AP4E1: variants seen among roughly 807,000 people sequenced by gnomAD.
AP4E1 encodes the protein adaptor related protein complex 4 subunit epsilon 1.
A neutral mutation model predicts 128.2 loss-of-function variants in AP4E1; 56 were observed. The ratio of observed to expected loss-of-function variants is 0.44; its 90% CI spans 0.35 to 0.55. The LOEUF (loss-of-function observed/expected upper bound fraction) is 0.55, where lower values mean the gene tolerates loss of function less well. Among genes scored for constraint, AP4E1 ranks in the 20% least tolerant of loss-of-function variants. AP4E1 has a pLI of 0.00. For missense variants in AP4E1, 1,324 were observed against 1,307.7 expected, an observed-to-expected ratio of 1.01 and a Z score of -0.19; for synonymous variants, 484 against 473.1, an observed-to-expected ratio of 1.02 and a Z score of -0.30.
intron 8 of AP4E1, among the ~76,000 whole-genome samples, chr15:50,938,036 T>C (rs529584301): frequency 6.6e-6 from 1 of 152,260 alleles, no homozygotes; most frequent in East Asian, 1.9e-4. Context: ...GAAGTACTTT[T>C]CCGTTTTTTT....
Position 50,999,083 on chromosome 15 carries a change from A to G in AP4E1, c.2916A>G (p.Gln972=). Residue 972 remains glutamine (Q), a synonymous_variant, in exon 19 of 21, where the codon CAA becomes CAG. Transcript: ENST00000261842. ...FPAENFKVTE[Q]PGCCLPVMEA... is the part of the protein sequence containing the mutation. ...ACTTCTATTTGCAGGTGACTGAGCAACCTGGATGCTGTTTGCCTGTAATGG... is the reference window on the plus strand; with the variant it reads ...ACTTCTATTTGCAGGTGACTGAGCAGCCTGGATGCTGTTTGCCTGTAATGG... The G allele has an allele frequency of 6.2e-7, 1 of 1,614,014 alleles. No individual in the cohort carries two copies. Among genetic ancestry groups the G allele is most frequent in the Non-Finnish European group, 8.5e-7 (1 of 1,179,942 alleles).
chr15:50,911,939 A>T, intron 1 of AP4E1, 139 bp from the exon 2 acceptor site: 1 of 728,878 alleles, frequency 1.4e-6, no homozygotes, highest in Admixed American at 2.2e-5. Flanking sequence ...TCGTAAGCAG[A>T]TAGTATTTGT....
intron 3 of AP4E1, among the ~76,000 whole-genome samples, chr15:50,919,358 C>G (rs2063666251): frequency 6.6e-6 from 1 of 151,498 alleles, no homozygotes; most frequent in Non-Finnish European, 1.5e-5. Flanking sequence ...CATGGAGAAA[C>G]CCTGTCTCTA....
chr15:50,989,476 C>G (rs1383758005), intron 16 of AP4E1, among the ~76,000 whole-genome samples: 1 of 150,878 alleles, frequency 6.6e-6, no homozygotes. Flanking sequence ...AGTTCAAATT[C>G]TTTTTCTTAT....
intron 10 of AP4E1, among the ~76,000 whole-genome samples, 181 bp from the exon 11 acceptor site, chr15:50,947,839 G>A (rs923851970): frequency 2.6e-5 from 4 of 152,236 alleles, no homozygotes; most frequent in African/African-American, 7.2e-5. Flanking sequence ...ATTTTTTGAC[G>A]ATAGTTTTAC....
intron 5 of AP4E1, among the ~76,000 whole-genome samples, chr15:50,927,007 T>TA (rs2063777491): frequency 1.3e-5 from 2 of 152,262 alleles, no homozygotes; most frequent in Non-Finnish European, 2.9e-5. Context: ...TTGTATATCA[T>TA]ATCTGTGTTT....
At chr15:50,918,312 A>G (rs1216939936) in intron 3 of AP4E1, among the ~76,000 whole-genome samples, 1 of 152,184 alleles carries the variant, frequency 6.6e-6, no homozygotes, top group African/African-American at 2.4e-5. Context: ...TTGCATGGGT[A>G]GAATTTAGTA....
chr15:50,978,302 T>C (rs969534030), intron 15 of AP4E1, among the ~76,000 whole-genome samples: 3 of 152,146 alleles, frequency 2.0e-5, no homozygotes, highest in Non-Finnish European at 4.4e-5. Flanking sequence ...GGGGAAACAG[T>C]ATTTACTAAA....
At chr15:51,001,759 C>G (rs143091767) in intron 20 of AP4E1, among the ~76,000 whole-genome samples, 7 of 152,302 alleles carry the variant, frequency 4.6e-5, no homozygotes, top group African/African-American at 1.7e-4. Context: ...CACTTTTTGG[C>G]TATGGTGAGT....
chr15:50,920,176 C>T (rs1318492908), intron 3 of AP4E1, among the ~76,000 whole-genome samples: 2 of 129,814 alleles, frequency 1.5e-5, no homozygotes, highest in Non-Finnish European at 3.1e-5. Flanking sequence ...TGCAGTGGCG[C>T]TATCTCGGCT....
intron 3 of AP4E1, chr15:50,918,196 A>G (rs2063652743): frequency 6.6e-6 from 1 of 152,242 alleles, no homozygotes; most frequent in Non-Finnish European, 1.5e-5. Context: ...ACAAATGACC[A>G]TGGGAACCTT....
At chr15:50,972,321 C>T (rs1035648443) in intron 15 of AP4E1, among the ~76,000 whole-genome samples, 11 of 152,104 alleles carry the variant, frequency 7.2e-5, no homozygotes, top group African/African-American at 2.7e-4. Flanking sequence ...AAGCAATTCT[C>T]CCATCTCAGC....
intron 15 of AP4E1, among the ~76,000 whole-genome samples, chr15:50,971,539 A>G (rs1335107196): frequency 6.6e-6 from 1 of 151,896 alleles, no homozygotes; most frequent in Non-Finnish European, 1.5e-5. Flanking sequence ...TTTTCTTCAT[A>G]TCTTCCCTTC....
At chr15:50,966,910 G>A (rs896600270) in intron 14 of AP4E1, among the ~76,000 whole-genome samples, 5 of 152,124 alleles carry the variant, frequency 3.3e-5, no homozygotes, top group Non-Finnish European at 7.3e-5. Flanking sequence ...ATAATTATTT[G>A]CTATTCTAAA....
intron 8 of AP4E1, among the ~76,000 whole-genome samples, chr15:50,939,400 G>T (rs544603009): frequency 9.2e-5 from 14 of 151,990 alleles, no homozygotes; most frequent in South Asian, 6.2e-4. Flanking sequence ...TTGAACCTGG[G>T]GGGTGGAGGT....
intron 16 of AP4E1, 115 bp downstream of exon 16, chr15:50,984,260 G>T: frequency 7.6e-7 from 1 of 1,321,726 alleles, no homozygotes. Context: ...GCTTATTTTA[G>T]GATAACTTTC....
chr15:50,964,839 C>T (rs529824849), intron 14 of AP4E1, among the ~76,000 whole-genome samples: 1 of 151,876 alleles, frequency 6.6e-6, no homozygotes, highest in Non-Finnish European at 1.5e-5. Flanking sequence ...GAGGTAGGGC[C>T]TGGTGGGAGT....
At chr15:50,983,430 G>C (rs1220170670) in intron 15 of AP4E1, among the ~76,000 whole-genome samples, 1 of 152,184 alleles carries the variant, frequency 6.6e-6, no homozygotes, top group Admixed American at 6.5e-5. Flanking sequence ...TCATGATCTA[G>C]ATAAGAATTG....
At chr15:50,919,960 C>T (rs907198259) in intron 3 of AP4E1, among the ~76,000 whole-genome samples, 1 of 151,364 alleles carries the variant, frequency 6.6e-6, no homozygotes, top group Non-Finnish European at 1.5e-5. Flanking sequence ...GCCTGTATTC[C>T]CAGCTACTTG....
Sources: allele counts gnomAD v4.1 joint callset (sites outside exome capture counted in the v4.1 genomes callset), GRCh38; gene constraint gnomAD v4.1.1; transcripts MANE v1.5; gene names NCBI Gene and HGNC (gene_info 2026-07-23, HGNC 2026-07-21).